SMC1A: variants seen among roughly 807,000 people sequenced by gnomAD.
The protein encoded by SMC1A is structural maintenance of chromosomes 1A.
Under a neutral mutation model 94.5 loss-of-function variants are expected in SMC1A, and 4 were observed. The ratio of observed to expected loss-of-function variants is 0.04; its 90% CI spans 0.02 to 0.10. The LOEUF (loss-of-function observed/expected upper bound fraction) is 0.10, where lower values mean the gene tolerates loss of function less well. Ranked by LOEUF, SMC1A falls within the 10% of genes least tolerant of loss-of-function variation. SMC1A has a pLI of 1.00. For synonymous variants in SMC1A, 345 were observed against 347.7 expected, an observed-to-expected ratio of 0.99 and a Z score of 0.09; for missense variants, 304 against 989.0, an observed-to-expected ratio of 0.31 and a Z score of 9.29.
intron 3 of SMC1A, among the ~76,000 whole-genome samples, chrX:53,413,928 T>C (rs1344661735): frequency 9.1e-6 from 1 of 109,529 alleles, no homozygotes; most frequent in Non-Finnish European, 1.9e-5. Context: ...AATACAAAAA[T>C]TAGCCAGGCA....
intron 19 of SMC1A, among the ~76,000 whole-genome samples, chrX:53,389,310 T>A (rs1403606779): frequency 1.8e-5 from 2 of 111,012 alleles, no homozygotes; most frequent in African/African-American, 6.5e-5. Context: ...AAGTGACATA[T>A]CAATTAATGG....
chrX:53,407,339 G>T (rs1290937908), intron 9 of SMC1A, among the ~76,000 whole-genome samples: 2 of 112,050 alleles, frequency 1.8e-5, no homozygotes, highest in African/African-American at 6.5e-5. Context: ...GATCAATCAT[G>T]ACTACATAAT....
chrX:53,390,899 G>A (rs2075625574), intron 19 of SMC1A, among the ~76,000 whole-genome samples: 1 of 88,528 alleles, frequency 1.1e-5, no homozygotes, highest in South Asian at 6.7e-4. Context: ...GCTTGAGGCA[G>A]GAGAATGACG....
Position 53,380,190 on chromosome X carries a change from A to G in SMC1A, c.3619-4T>C, listed in dbSNP as rs2075576604. 1 of 1,181,031 alleles carries G rather than the reference A, an allele frequency of 8.5e-7. No homozygotes were observed. Among genetic ancestry groups the G allele is most frequent in the South Asian group, 1.8e-5 (1 of 55,578 alleles). ...TGCTGATCACACAGTCCCCTTGCTGAAGGAGGAGGGAGAAAAAGAAAAATA... is the reference window on the plus strand; with the variant it reads ...TGCTGATCACACAGTCCCCTTGCTGGAGGAGGAGGGAGAAAAAGAAAAATA... On this transcript the variant is annotated splice_region_variant and splice_polypyrimidine_tract_variant and intron_variant, in intron 24 of 24. Transcript: ENST00000322213.
intron 9 of SMC1A, among the ~76,000 whole-genome samples, chrX:53,407,857 G>A (rs2075696961): frequency 9.0e-6 from 1 of 111,291 alleles, no homozygotes; most frequent in Admixed American, 9.6e-5. Context: ...GAAGAACACA[G>A]CCCCCATGCT....
chrX:53,406,732 C>T (rs1290844397), intron 9 of SMC1A, among the ~76,000 whole-genome samples: 2 of 111,916 alleles, frequency 1.8e-5, no homozygotes, highest in Non-Finnish European at 3.8e-5. Context: ...GAGTCTCACT[C>T]TGTTGCCCAC....
chrX:53,386,671 G>A (rs2075605594), intron 19 of SMC1A, among the ~76,000 whole-genome samples: 1 of 111,604 alleles, frequency 9.0e-6, no homozygotes, highest in South Asian at 3.7e-4. Flanking sequence ...AATATTCACT[G>A]GTGAATCTAA....
At chrX:53,396,133 TTC>T (rs1367839167) in intron 18 of SMC1A, 92 bp downstream of exon 18, 9 of 1,004,972 alleles carry the variant, frequency 9.0e-6, no homozygotes, top group South Asian at 1.9e-5. Context: ...CCCACCATCT[TTC>T]TCTCTCTCAC....
intron 19 of SMC1A, among the ~76,000 whole-genome samples, chrX:53,389,393 G>C (rs2075618228): frequency 9.0e-6 from 1 of 111,349 alleles, no homozygotes; most frequent in Admixed American, 9.6e-5. Flanking sequence ...AAGCTGTAGA[G>C]TGTGTGTTTG....
At chrX:53,406,234 A>G (rs1569357255) in intron 9 of SMC1A, among the ~76,000 whole-genome samples, 1 of 110,949 alleles carries the variant, frequency 9.0e-6, no homozygotes, top group Non-Finnish European at 1.9e-5. Flanking sequence ...ACAAACAAAA[A>G]AGACAGCCCA....
intron 1 of SMC1A, chrX:53,421,943 A>T: frequency 1.7e-6 from 2 of 1,210,470 alleles, no homozygotes; most frequent in Non-Finnish European, 2.2e-6. Flanking sequence ...AGCATTCTAA[A>T]GACTGGAGCG....
intron 11 of SMC1A, 30 bp from the exon 12 acceptor site, chrX:53,405,421 G>C (rs782350934): frequency 2.6e-5 from 31 of 1,209,623 alleles, no homozygotes; most frequent in South Asian, 5.3e-5. Context: ...GAGAGAAGAG[G>C]GGGAGAAGCT....
In SMC1A at chrX:53,412,151, C is replaced by T. The variant is rs1556890612; in HGVS notation, c.957G>A (p.Leu319=). The T allele has an allele frequency of 4.1e-6, 5 of 1,211,752 alleles. No individual in the cohort carries two copies. Among genetic ancestry groups the T allele is most frequent in the Non-Finnish European group, 5.6e-6 (5 of 895,391 alleles). Reference sequence around the variant, plus strand: ...TCTTGTAGTGCTTCTGAGCATTCTGCAGAGACTTCTTGGCTGCTTCCAGCT... The same window carrying T: ...TCTTGTAGTGCTTCTGAGCATTCTGTAGAGACTTCTTGGCTGCTTCCAGCT... ...IKKLEAAKKS[L]QNAQKHYKKR... The change falls in exon 6 of 25, where the codon CTG becomes CTA. Residue 319 remains leucine (L), a synonymous_variant. Coordinates refer to ENST00000322213, the MANE Select transcript of SMC1A (RefSeq NM_006306.4).
chrX:53,396,185 T>C, intron 18 of SMC1A, 42 bp downstream of exon 18: 1 of 1,191,087 alleles, frequency 8.4e-7, no homozygotes, highest in Non-Finnish European at 1.1e-6. Context: ...CCCTGGTTAA[T>C]GATGTTCATC....
At chrX:53,418,387 G>A (rs782767974) in intron 1 of SMC1A, among the ~76,000 whole-genome samples, 22 of 111,510 alleles carry the variant, frequency 2.0e-4, no homozygotes, top group African/African-American at 6.5e-4. Flanking sequence ...CACCCACCTC[G>A]GTCTCCTAAA....
chrX:53,418,449 T>A (rs2075740757), intron 1 of SMC1A, among the ~76,000 whole-genome samples: 1 of 111,864 alleles, frequency 8.9e-6, no homozygotes, highest in Non-Finnish European at 1.9e-5. Context: ...TTCATTTATT[T>A]ATTGAGACAG....
intron 19 of SMC1A, among the ~76,000 whole-genome samples, chrX:53,389,842 CTTTTTTTTT>C (rs1193457348): frequency 3.6e-5 from 2 of 55,092 alleles, no homozygotes; most frequent in African/African-American, 7.3e-5. Flanking sequence ...TCCAGAATTT[CTTTTTTTTT>C]TTTTTTTTTT....
At chrX:53,416,327 A>AT (rs1408790306) in intron 1 of SMC1A, among the ~76,000 whole-genome samples, 7 of 106,329 alleles carry the variant, frequency 6.6e-5, no homozygotes, top group East Asian at 2.9e-4. Context: ...AAATAAAATA[A>AT]AATAATAATA....
intron 19 of SMC1A, among the ~76,000 whole-genome samples, chrX:53,391,004 GAAAA>G (rs1175710151): frequency 1.9e-5 from 1 of 54,009 alleles, no homozygotes; most frequent in Non-Finnish European, 3.4e-5. Flanking sequence ...AAAAGAAAAA[GAAAA>G]AAAAAAAAAA....
Sources: allele counts gnomAD v4.1 joint callset (sites outside exome capture counted in the v4.1 genomes callset), GRCh38; gene constraint gnomAD v4.1.1; transcripts MANE v1.5; gene names NCBI Gene and HGNC (gene_info 2026-07-23, HGNC 2026-07-21).